CAPN8: variants seen among roughly 807,000 people sequenced by gnomAD.
CAPN8 encodes the protein calpain-8.
Under a neutral mutation model 80.9 loss-of-function variants are expected in CAPN8, and 87 were observed. The observed-to-expected ratio is 1.07, with a 90% CI of 0.90 to 1.28. The LOEUF (loss-of-function observed/expected upper bound fraction) is 1.28, where lower values mean the gene tolerates loss of function less well. Ranked by LOEUF, CAPN8 falls within the 50% of genes most tolerant of loss-of-function variation. The pLI is 0.00. For synonymous variants in CAPN8, 299 were observed against 273.8 expected (o/e 1.09, Z -0.91); for missense variants, 757 against 702.0 (o/e 1.08, Z -0.89).
chr1:223,620,269 G>A lies in CAPN8; in HGVS notation c.900-3C>T, dbSNP rs1192043225. The A allele has an allele frequency of 5.2e-6, 8 of 1,551,500 alleles. No individual in the cohort carries two copies. Among genetic ancestry groups the A allele is most frequent in the Non-Finnish European group, 7.0e-6 (8 of 1,146,848 alleles). ...CTATGTGATTCCACTCTGGTGCACT[G>A]AGGGGAAAACAAGCAGAGATGCTCG... On this transcript the variant is annotated splice_polypyrimidine_tract_variant and splice_region_variant and intron_variant, in intron 7 of 20. Transcript: ENST00000366872.
intron 2 of CAPN8, among the ~76,000 whole-genome samples, chr1:223,645,857 G>C (rs1193579713): frequency 2.0e-5 from 3 of 152,208 alleles, no homozygotes; most frequent in Non-Finnish European, 4.4e-5. Context: ...TGGAGCAGAA[G>C]GGAGAGGGTA....
At chr1:223,613,416 C>A (rs1657085308) in intron 10 of CAPN8, among the ~76,000 whole-genome samples, 1 of 152,244 alleles carries the variant, frequency 6.6e-6, no homozygotes, top group African/African-American at 2.4e-5. Flanking sequence ...GCTTGCCCAA[C>A]CACATGGGCC....
rs187729926 is a variant in CAPN8, at chr1:223,663,944, T to C, written c.237+1466A>G. ...AGAAAATAGGAACCCTGACTTAATT[T>C]CCCTATCATGGTTTAGAAGACAAAA... On this transcript the variant is annotated intron_variant, in intron 1 of 20. Transcript: ENST00000366872. Among the ~76,000 whole-genome samples, 50 of 152,348 alleles carry C rather than the reference T, an allele frequency of 3.3e-4. 1 individual carries two copies. In the East Asian group the frequency reaches 5.0e-3, roughly 15 times the overall value.
chr1:223,552,329 C>A (rs79273593), intron 14 of CAPN8, among the ~76,000 whole-genome samples: 1 of 152,028 alleles, frequency 6.6e-6, no homozygotes, highest in Non-Finnish European at 1.5e-5. Flanking sequence ...TTTGGGAGGC[C>A]GAGGTGGGTG....
chr1:223,656,752 C>T (rs953677344), intron 1 of CAPN8, among the ~76,000 whole-genome samples: 2 of 140,126 alleles, frequency 1.4e-5, no homozygotes, highest in East Asian at 2.2e-4. Flanking sequence ...GGCGCGATCT[C>T]GGCTCACTGC....
At chr1:223,554,066 G>T (rs1056610830) in intron 13 of CAPN8, among the ~76,000 whole-genome samples, 166 bp from the exon 14 acceptor site, 19 of 152,234 alleles carry the variant, frequency 1.2e-4, no homozygotes, top group Admixed American at 1.0e-3. Context: ...AGACAGCAAA[G>T]GTCCTGGCCC....
intron 2 of CAPN8, among the ~76,000 whole-genome samples, chr1:223,638,674 C>G (rs1201965250): frequency 6.6e-6 from 1 of 152,128 alleles, no homozygotes; most frequent in Non-Finnish European, 1.5e-5. Context: ...ACACCCCAGG[C>G]TCTGTGGTCC....
intron 18 of CAPN8, 74 bp downstream of exon 18, chr1:223,544,695 AATC>A: frequency 1.3e-6 from 2 of 1,532,276 alleles, no homozygotes; most frequent in Non-Finnish European, 1.8e-6. Context: ...GATCATTAGC[AATC>A]ATCATCATGA....
rs1013524714 is a variant in CAPN8 at position 223,665,601 on chromosome 1, G to A, written c.46C>T (p.Gln16Ter). Residue 16 changes from glutamine (Q) to a stop codon, truncating the protein, a stop_gained, in exon 1 of 21, where the codon CAA (glutamine) becomes TAA (stop). Coordinates refer to ENST00000366872, the MANE Select transcript of CAPN8 (RefSeq NM_001143962.2). LOFTEE classifies it high-confidence loss of function. ...AGVSRQRAAT[Q>*]GLGSNQNALK... ...GCGTTTTGGTTGGAGCCAAGACCTT[G>A]AGTGGCTGCCCGCTGCCTAGATACA... 1.9e-6 allele frequency: 3 copies of A among 1,551,564 alleles called. No individual in the cohort carries two copies. Among genetic ancestry groups the A allele is most frequent in the African/African-American group, 1.4e-5 (1 of 73,044 alleles).
chr1:223,650,162 AG>A (rs1355512318), intron 2 of CAPN8, among the ~76,000 whole-genome samples: 1 of 152,000 alleles, frequency 6.6e-6, no homozygotes, highest in Non-Finnish European at 1.5e-5. Context: ...GATTTAGGAG[AG>A]GGGGAAAGAT....
At chr1:223,550,873 C>G in intron 15 of CAPN8, 87 bp downstream of exon 15, 1 of 675,050 alleles carries the variant, frequency 1.5e-6, no homozygotes, top group Non-Finnish European at 2.7e-6. Context: ...ACCTGTGGTG[C>G]TGCCAGCCCA....
rs896147885 is a variant in CAPN8, at chr1:223,544,058, G to A, written c.2029+9C>T. 2.8e-6 allele frequency: 2 copies of A among 717,798 alleles called. No homozygotes were observed. The highest frequency in any genetic ancestry group is 5.4e-5 in the East Asian group (2 of 37,288). 44.5% of individuals were successfully genotyped at this position (717,798 alleles called of 1,614,324 possible). A position where few individuals can be genotyped will look rare whatever the true frequency, so the allele number is the denominator to read the frequency against. ...TAATAGGATGGGGCTGGAGGACAGA[G>A]TGACTCACTGAAGAGGGTCTCCAGG... On this transcript the variant is annotated intron_variant, in intron 19 of 20. Coordinates refer to ENST00000366872, the MANE Select transcript of CAPN8 (RefSeq NM_001143962.2).
chr1:223,622,616 G>A (rs61825177), intron 7 of CAPN8, 199 bp downstream of exon 7: 230,031 of 557,464 alleles, frequency 0.41, 48,063 homozygotes, highest in South Asian at 0.44. Flanking sequence ...AGCCAGAATC[G>A]AAGACTACAG....
intron 10 of CAPN8, among the ~76,000 whole-genome samples, chr1:223,615,511 C>G (rs1299656734): frequency 6.6e-6 from 1 of 152,268 alleles, no homozygotes; most frequent in East Asian, 1.9e-4. Flanking sequence ...ATCACCCCAG[C>G]TCATGCCCTG....
chr1:223,618,334 T>G, intron 9 of CAPN8: 2 of 1,548,972 alleles, frequency 1.3e-6, no homozygotes, highest in Non-Finnish European at 1.7e-6. Flanking sequence ...CTTCCCACCT[T>G]GCACCAGGTG....
intron 9 of CAPN8, chr1:223,618,355 G>A (rs989939765): frequency 1.0e-5 from 16 of 1,543,350 alleles, no homozygotes; most frequent in Middle Eastern, 2.1e-4. Flanking sequence ...AGGACCCAGG[G>A]TTAGTGCGGA....
At chr1:223,610,941 C>G (rs1657013960) in intron 11 of CAPN8, among the ~76,000 whole-genome samples, 1 of 152,174 alleles carries the variant, frequency 6.6e-6, no homozygotes, top group Non-Finnish European at 1.5e-5. Context: ...ACTCCAGGAG[C>G]AGGGCCCAAA....
intron 11 of CAPN8, among the ~76,000 whole-genome samples, chr1:223,610,279 A>C (rs1340226592): frequency 6.6e-6 from 1 of 152,178 alleles, no homozygotes; most frequent in African/African-American, 2.4e-5. Flanking sequence ...TTTGGATTAC[A>C]GATCTGCTAA....
At chr1:223,619,948 T>C (rs1657333771) in intron 8 of CAPN8, among the ~76,000 whole-genome samples, 1 of 152,146 alleles carries the variant, frequency 6.6e-6, no homozygotes, top group South Asian at 2.1e-4. Flanking sequence ...ATTGGAAAGA[T>C]AATAGAACTG....
Sources: gnomAD v4.1 joint callset for allele counts (sites outside exome capture counted in the v4.1 genomes callset) on GRCh38, gnomAD v4.1.1 for gene constraint, MANE v1.5 for transcripts, NCBI Gene and HGNC (gene_info 2026-07-23, HGNC 2026-07-21) for gene names.